The following RAPGEF4 variants were observed in gnomAD, a reference collection of about 807,000 sequenced individuals.
RAPGEF4 encodes the protein Rap guanine nucleotide exchange factor 4, also known as RAP guanine-nucleotide-exchange factor (GEF) 4.
A neutral mutation model predicts 147.9 loss-of-function variants in RAPGEF4; 66 were observed. The ratio of observed to expected loss-of-function variants is 0.45; its 90% confidence interval spans 0.37 to 0.55. The LOEUF (loss-of-function observed/expected upper bound fraction) is 0.55, where lower values mean the gene tolerates loss of function less well. Among genes scored for constraint, RAPGEF4 ranks in the 20% least tolerant of loss-of-function variants. RAPGEF4 has a pLI of 0.00. For synonymous variants in RAPGEF4, 419 were observed against 442.7 expected (o/e 0.95, Z 0.67); for missense variants, 1,071 against 1,257.3 (o/e 0.85, Z 2.24).
chr2:172,931,182 G>GGT (rs1453562105), intron 6 of RAPGEF4, among the ~76,000 whole-genome samples: 1 of 102,066 alleles, frequency 9.8e-6, no homozygotes, highest in East Asian at 3.8e-4. Flanking sequence ...TGGGGGGGGG[G>GGT]GGCGCTGGGG....
At chr2:172,884,343 G>T (rs900307942) in intron 4 of RAPGEF4, among the ~76,000 whole-genome samples, 1 of 152,222 alleles carries the variant, frequency 6.6e-6, no homozygotes, top group Non-Finnish European at 1.5e-5. Flanking sequence ...CAGCAGGGAG[G>T]TAGATTGATT....
Position 172,797,534 on chromosome 2 carries a change from A to G in RAPGEF4, c.218A>G (p.Gln73Arg). Residue 73 changes from glutamine (Q) to arginine (R), a missense_variant, in exon 3 of 31, where the codon CAG becomes CGG. Physicochemically the swap from Gln to Arg is conservative, Grantham distance 43 (BLOSUM62 1). Coordinates refer to ENST00000397081, the MANE Select transcript of RAPGEF4 (RefSeq NM_007023.4). Reference sequence around the variant, plus strand: ...AATTTTTTTTTCCCAGTATTTCGCCAGGGTGATATTGGAACAAACTGGTAT... The same window carrying G: ...AATTTTTTTTTCCCAGTATTTCGCCGGGGTGATATTGGAACAAACTGGTAT... ...NLEKGITLFR[Q>R]GDIGTNWYAV... 1 of 1,612,972 alleles carries G rather than the reference A, an allele frequency of 6.2e-7. No homozygotes were observed.
intron 11 of RAPGEF4, 107 bp from the exon 12 acceptor site, chr2:172,985,326 T>C: frequency 6.7e-7 from 1 of 1,502,096 alleles, no homozygotes; most frequent in South Asian, 1.2e-5. Context: ...GATGACTGCA[T>C]GGGAAGCCCC....
intron 19 of RAPGEF4, 21 bp downstream of exon 19, chr2:173,016,458 G>A (rs1196137615): frequency 1.9e-6 from 3 of 1,570,072 alleles, no homozygotes; most frequent in East Asian, 4.5e-5. Context: ...GCTTGACTGT[G>A]GGGGTGTGCT....
chr2:172,850,682 A>G (rs571612507), intron 4 of RAPGEF4, among the ~76,000 whole-genome samples: 2 of 151,960 alleles, frequency 1.3e-5, no homozygotes, highest in South Asian at 2.1e-4. Flanking sequence ...GTAAAGAAAA[A>G]TTTTCTCCAC....
chr2:172,931,175 G>GGT (rs1553533409), intron 6 of RAPGEF4, among the ~76,000 whole-genome samples: 1 of 108,014 alleles, frequency 9.3e-6, no homozygotes, highest in Non-Finnish European at 2.0e-5. Context: ...GCCGGGGTGG[G>GGT]GGGGGGGGGC....
At chr2:172,962,424 T>G (rs1390990585) in intron 8 of RAPGEF4, among the ~76,000 whole-genome samples, 1 of 152,092 alleles carries the variant, frequency 6.6e-6, no homozygotes, top group Non-Finnish European at 1.5e-5. Flanking sequence ...TCTACAAAGG[T>G]TCTGGTTCAG....
At chr2:172,923,278 T>G (rs78151959) in intron 6 of RAPGEF4, among the ~76,000 whole-genome samples, 1 of 152,154 alleles carries the variant, frequency 6.6e-6, no homozygotes, top group Non-Finnish European at 1.5e-5. Flanking sequence ...TTTTGGTTTT[T>G]GTTTTTTTGT....
intron 29 of RAPGEF4, among the ~76,000 whole-genome samples, chr2:173,044,407 C>T (rs1468557886): frequency 6.6e-6 from 1 of 152,232 alleles, no homozygotes; most frequent in East Asian, 1.9e-4. Flanking sequence ...GATCTTCTAC[C>T]TCCACTCTGC....
At chr2:172,879,881 C>T (rs1165915835) in intron 4 of RAPGEF4, among the ~76,000 whole-genome samples, 1 of 152,198 alleles carries the variant, frequency 6.6e-6, no homozygotes, top group Non-Finnish European at 1.5e-5. Flanking sequence ...GGGAAAAGTA[C>T]TCTGAATTGC....
chr2:172,775,611 A>G (rs77665530), intron 1 of RAPGEF4, among the ~76,000 whole-genome samples: 2,319 of 152,312 alleles, frequency 0.015, 62 homozygotes, highest in African/African-American at 0.054. Flanking sequence ...AGCTGTTTCC[A>G]AAAAGAATGA....
At chr2:173,027,806 A>T (rs527687179) in intron 25 of RAPGEF4, among the ~76,000 whole-genome samples, 1 of 152,172 alleles carries the variant, frequency 6.6e-6, no homozygotes, top group Non-Finnish European at 1.5e-5. Context: ...ATGGGAAACA[A>T]TTTTTTTACT....
chr2:172,911,846 A>G (rs192910109), intron 4 of RAPGEF4, among the ~76,000 whole-genome samples: 205 of 132,360 alleles, frequency 1.5e-3, no homozygotes, highest in Admixed American at 5.5e-3. Flanking sequence ...AGCTCATTGT[A>G]GCCTGGAACT....
At chr2:172,892,415 A>G (rs551001218) in intron 4 of RAPGEF4, among the ~76,000 whole-genome samples, 1 of 152,284 alleles carries the variant, frequency 6.6e-6, no homozygotes, top group South Asian at 2.1e-4. Context: ...ACTGTGACAG[A>G]CAGTCCCTGT....
intron 4 of RAPGEF4, among the ~76,000 whole-genome samples, chr2:172,897,690 C>T (rs1698630956): frequency 7.1e-6 from 1 of 141,018 alleles, no homozygotes; most frequent in Non-Finnish European, 1.6e-5. Flanking sequence ...GCATGAGCCA[C>T]CATGCCCAGA....
At chr2:172,923,298 TCA>T (rs1684951127) in intron 6 of RAPGEF4, among the ~76,000 whole-genome samples, 1 of 152,168 alleles carries the variant, frequency 6.6e-6, no homozygotes, top group South Asian at 2.1e-4. Context: ...TGATGGAGTC[TCA>T]CTCTGCCACC....
At chr2:172,785,212 T>C (rs952506656) in intron 1 of RAPGEF4, among the ~76,000 whole-genome samples, 3 of 152,240 alleles carry the variant, frequency 2.0e-5, no homozygotes, top group African/African-American at 7.2e-5. Flanking sequence ...GAAAAGCTAA[T>C]AGTGTTATAA....
At chr2:172,978,645 G>A (rs753130634) in intron 10 of RAPGEF4, among the ~76,000 whole-genome samples, 3 of 152,206 alleles carry the variant, frequency 2.0e-5, no homozygotes. Context: ...TGCCCTCTGG[G>A]CTGATTGACG....
rs1469927224 is a variant in RAPGEF4, at chr2:172,735,981, A to G, written c.-3A>G. The G allele has an allele frequency of 6.8e-6, 10 of 1,470,540 alleles. No homozygotes were observed. Among genetic ancestry groups the G allele is most frequent in the Non-Finnish European group, 8.1e-6 (9 of 1,109,300 alleles). The allele number at this position is 1,470,540 out of a possible 1,614,324, so 91.1% of individuals were successfully genotyped here. A position where few individuals can be genotyped will look rare whatever the true frequency, so the allele number is the denominator to read the frequency against. On this transcript the variant is annotated 5_prime_UTR_variant, in exon 1 of 31. Coordinates refer to ENST00000397081, the MANE Select transcript of RAPGEF4 (RefSeq NM_007023.4). ...CCAGGGACACCGCGCGCCGCCGCTCAACATGGTCGCTGCGCACGCTGCCCA... is the reference window on the plus strand; with the variant it reads ...CCAGGGACACCGCGCGCCGCCGCTCGACATGGTCGCTGCGCACGCTGCCCA...
Sources: allele counts gnomAD v4.1 joint callset (sites outside exome capture counted in the v4.1 genomes callset), GRCh38; gene constraint gnomAD v4.1.1; transcripts MANE v1.5; gene names NCBI Gene and HGNC (gene_info 2026-07-23, HGNC 2026-07-21).